The following PSORS1C1 variants were observed in gnomAD, a reference collection of about 807,000 sequenced individuals.
PSORS1C1 encodes psoriasis susceptibility 1 candidate 1.
In PSORS1C1, 7 loss-of-function variants were observed where a neutral mutation model predicts 9.4. The observed-to-expected ratio is 0.75, with a 90% CI of 0.42 to 1.40. The LOEUF (loss-of-function observed/expected upper bound fraction) is 1.40, where lower values mean the gene tolerates loss of function less well. PSORS1C1 is among the 40% of genes most tolerant of loss of function. The pLI, the probability that PSORS1C1 is intolerant of heterozygous loss-of-function variation, is 0.01. For missense variants in PSORS1C1, 146 were observed against 178.1 expected (o/e 0.82, Z 1.02); for synonymous variants, 63 against 69.4 (o/e 0.91, Z 0.46).
chr6:31,138,314 G>A, intron 3 of PSORS1C1, 116 bp from the exon 4 acceptor site: 1 of 1,604,788 alleles, frequency 6.2e-7, no homozygotes, highest in South Asian at 1.1e-5. Context: ...TGCCTGTAAA[G>A]GAGGAAGGAG....
intron 3 of PSORS1C1, among the ~76,000 whole-genome samples, chr6:31,134,496 T>A (rs75881311): frequency 0.011 from 1,688 of 151,644 alleles, 49 homozygotes; most frequent in East Asian, 0.1. Context: ...TAGTAGAGAC[T>A]GGGTTTCACC....
At chr6:31,122,215 T>C (rs1183754953) in intron 1 of PSORS1C1, among the ~76,000 whole-genome samples, 1 of 152,242 alleles carries the variant, frequency 6.6e-6, no homozygotes, top group Non-Finnish European at 1.5e-5. Context: ...ACAAGGTTTT[T>C]GTGAACATCA....
At chr6:31,122,371 G>T (rs1239322534) in intron 1 of PSORS1C1, among the ~76,000 whole-genome samples, 1 of 152,144 alleles carries the variant, frequency 6.6e-6, no homozygotes, top group Non-Finnish European at 1.5e-5. Context: ...ACAGCCCCAG[G>T]CTCCCTTTCC....
chr6:31,127,156 C>T (rs911431740), intron 2 of PSORS1C1, among the ~76,000 whole-genome samples: 2 of 152,222 alleles, frequency 1.3e-5, no homozygotes, highest in Admixed American at 1.3e-4. Context: ...TCTGAACGTG[C>T]TCTCGGGAGA....
In PSORS1C1 at chr6:31,115,545, C is replaced by T. The variant is rs532708625; in HGVS notation, c.-229+654C>T. The T allele has an allele frequency of 1.8e-5, 3 of 171,060 alleles. No individual in the cohort carries two copies. In the South Asian group the frequency reaches 4.5e-4, roughly 25 times the overall value. The allele number at this position is 171,060 out of a possible 1,614,324, so 10.6% of individuals were successfully genotyped here. ...CATATTGGGTGGGTTGACTAGATGT[C>T]GAAGAAAGGTCAGTGAAAAGTGGCC... On this transcript the variant is annotated intron_variant, in intron 1 of 5. Coordinates refer to ENST00000259881, the MANE Select transcript of PSORS1C1 (RefSeq NM_014068.3). This position sits in a 1 kb window ranked among gnomAD's most constrained non-coding sequence, Gnocchi z 4.2.
Position 31,138,714 on chromosome 6 carries a change from G to A in PSORS1C1, c.102G>A (p.Glu34=). Reference sequence around the variant, plus strand: ...TCCTTAACACAGATCCCAGCTCCGAGGAAACTCGTCCCCCCCACGTTAATC... The same window carrying A: ...TCCTTAACACAGATCCCAGCTCCGAAGAAACTCGTCCCCCCCACGTTAATC... ...PQLLNTDPSS[E]ETRPPHVNPD... The change falls in exon 5 of 6, where the codon GAG becomes GAA. Residue 34 remains glutamate, a synonymous_variant. Coordinates refer to ENST00000259881, the MANE Select transcript of PSORS1C1 (RefSeq NM_014068.3). 2 of 1,602,814 alleles carry A rather than the reference G, an allele frequency of 1.2e-6. No homozygotes were observed. The highest frequency in any genetic ancestry group is 1.7e-6 in the Non-Finnish European group (2 of 1,176,196).
chr6:31,122,987 C>A (rs1468078753), intron 1 of PSORS1C1, among the ~76,000 whole-genome samples: 1 of 152,182 alleles, frequency 6.6e-6, no homozygotes, highest in Non-Finnish European at 1.5e-5. Context: ...ACAGTGGAAT[C>A]TGTGGCTTCT....
intron 3 of PSORS1C1, among the ~76,000 whole-genome samples, chr6:31,136,063 A>C (rs1235117207): frequency 2.0e-5 from 3 of 151,660 alleles, no homozygotes; most frequent in Non-Finnish European, 2.9e-5. Flanking sequence ...AAACAAACAC[A>C]CAAAAAGACA....
chr6:31,138,867 T>G, intron 5 of PSORS1C1, 88 bp downstream of exon 5: 5 of 1,601,286 alleles, frequency 3.1e-6, no homozygotes, highest in Non-Finnish European at 4.3e-6. Context: ...ACCTTCTGCG[T>G]CCCCTGAATT....
intron 1 of PSORS1C1, chr6:31,120,419 T>G (rs1271245477): frequency 6.3e-7 from 1 of 1,581,340 alleles, no homozygotes. Flanking sequence ...GACGAGCCCA[T>G]CTCGGACTGC....
intron 3 of PSORS1C1, chr6:31,137,879 CG>C: frequency 1.5e-6 from 1 of 660,042 alleles, no homozygotes; most frequent in Non-Finnish European, 2.4e-6. Flanking sequence ...GAAGAATTCA[CG>C]GGGAATCAGA....
At position 31,117,359 on chromosome 6, in the gene PSORS1C1, C is replaced by T. The variant is rs75843924; in HGVS notation, c.-229+2468C>T. 1,182 of 1,577,794 alleles carry T rather than the reference C, an allele frequency of 7.5e-4. 7 individuals are homozygous for T. The African/African-American group carries it at 0.012, about 16-fold the overall frequency. On this transcript the variant is annotated intron_variant, in intron 1 of 5. Coordinates refer to ENST00000259881, the MANE Select transcript of PSORS1C1 (RefSeq NM_014068.3). ...CCGCTGGAGCTACCACTGGAGCCAC[C>T]ACCAGAGCTTCTGGCACTGGAAATG...
intron 3 of PSORS1C1, among the ~76,000 whole-genome samples, chr6:31,132,414 C>T (rs980890117): frequency 7.9e-6 from 1 of 126,650 alleles, no homozygotes; most frequent in Admixed American, 8.5e-5. Flanking sequence ...CCCAGCTACT[C>T]AGGAAGCAGA....
In PSORS1C1 at chr6:31,139,595, C is replaced by A; in HGVS notation, c.168-46C>A. On this transcript the variant is annotated intron_variant, in intron 5 of 5. Transcript: ENST00000259881. This position sits in a 1 kb window ranked among gnomAD's most constrained non-coding sequence, Gnocchi z 5.2. ...CGTGCTTTCCTGGGCACTTCCCTTC[C>A]CCCATGGGATCCAGGCATCCTGCTC... is the stretch of plus-strand genomic sequence containing the variant. The A allele has an allele frequency of 1.3e-6, 2 of 1,588,308 alleles. No homozygotes were observed. The highest frequency in any genetic ancestry group is 2.7e-5 in the African/African-American group (2 of 74,580).
intron 3 of PSORS1C1, 141 bp from the exon 4 acceptor site, chr6:31,138,289 C>T (rs1561776402): frequency 6.3e-7 from 1 of 1,587,298 alleles, no homozygotes; most frequent in East Asian, 2.2e-5. Flanking sequence ...GAGGGGTGGC[C>T]CTCGCTGCCT....
At chr6:31,116,469 G>T in intron 1 of PSORS1C1, 1 of 1,599,410 alleles carries the variant, frequency 6.3e-7, no homozygotes, top group East Asian at 2.3e-5. Flanking sequence ...CCGTGGAGCC[G>T]CCTCCACAGA....
chr6:31,136,925 C>G (rs3130572), intron 3 of PSORS1C1, among the ~76,000 whole-genome samples: 57,133 of 151,582 alleles, frequency 0.38, 12,324 homozygotes, highest in African/African-American at 0.59. Flanking sequence ...CCGAGGTGGG[C>G]AGATCACGAT....
At chr6:31,130,974 C>A (rs988684858) in intron 3 of PSORS1C1, among the ~76,000 whole-genome samples, 1 of 151,886 alleles carries the variant, frequency 6.6e-6, no homozygotes, top group African/African-American at 2.4e-5. Context: ...ATTACAGGTG[C>A]GCCCTACCAT....
chr6:31,131,869 G>A (rs1308802095), intron 3 of PSORS1C1, among the ~76,000 whole-genome samples: 3 of 152,250 alleles, frequency 2.0e-5, no homozygotes. Flanking sequence ...TTGCAATAGT[G>A]TGTAGCAAAT....
Sources: allele counts gnomAD v4.1 joint callset (sites outside exome capture counted in the v4.1 genomes callset), GRCh38; gene constraint gnomAD v4.1.1; non-coding constraint Gnocchi (gnomAD v3.1); transcripts MANE v1.5; gene names NCBI Gene and HGNC (gene_info 2026-07-23, HGNC 2026-07-21).